The following AKAP9 variants were observed in gnomAD, a reference collection of about 807,000 sequenced individuals.
AKAP9 encodes A-kinase anchor protein 9.
AKAP9 carries 311 observed loss-of-function variants against 488.5 expected under a neutral mutation model. That is an observed-to-expected ratio of 0.64 (90% CI 0.58 to 0.70). The LOEUF (loss-of-function observed/expected upper bound fraction) is 0.70. Among genes scored for constraint, AKAP9 ranks in the 30% least tolerant of loss-of-function variants. The probability of loss-of-function intolerance (pLI) is 0.00; values close to 1 mark genes in which losing one functional copy is unlikely to be tolerated. For missense variants in AKAP9, 4,215 were observed against 4,374.5 expected (o/e 0.96, Z 1.03); for synonymous variants, 1,462 against 1,483.5 (o/e 0.99, Z 0.33).
chr7:91,977,109 A>T (rs1795797193), intron 2 of AKAP9, among the ~76,000 whole-genome samples: 1 of 151,996 alleles, frequency 6.6e-6, no homozygotes, highest in East Asian at 1.9e-4. Flanking sequence ...AAGTAAAAAA[A>T]ATTAGCCGGG....
In AKAP9 at chr7:92,038,682, TC is replaced by T; in HGVS notation, c.4606del (p.His1536MetfsTer11). The T allele has an allele frequency of 6.2e-7, 1 of 1,608,666 alleles. No individual in the cohort carries two copies. ...GKEILLSNSD[P>X]HDIPESKDCV... The stretch of plus-strand genomic sequence containing the variant: ...AGGAAATTTTATTATCAAATAGTGA[TC>T]CCCATGATATACCAGAATCAAAGGA... On this transcript the variant is annotated frameshift_variant, in exon 17 of 50. Coordinates refer to ENST00000356239, the MANE Select transcript of AKAP9 (RefSeq NM_005751.5). LOFTEE classifies it high-confidence loss of function.
At chr7:92,038,376 A>T in intron 16 of AKAP9, 43 bp from the exon 17 acceptor site, 1 of 1,483,688 alleles carries the variant, frequency 6.7e-7, no homozygotes. Flanking sequence ...TCCTGCTGAT[A>T]TTTCTAAATC....
chr7:92,057,694 G>A, intron 22 of AKAP9: 1 of 218,700 alleles, frequency 4.6e-6, no homozygotes, highest in East Asian at 6.7e-5. Flanking sequence ...CAAGACTGCT[G>A]CTATGGAGAT....
intron 1 of AKAP9, among the ~76,000 whole-genome samples, chr7:91,971,471 C>T (rs1255778146): frequency 6.6e-6 from 1 of 151,412 alleles, no homozygotes; most frequent in Non-Finnish European, 1.5e-5. Context: ...TAGGGTCATT[C>T]ACTGATTCAC....
intron 1 of AKAP9, chr7:91,970,658 C>A (rs532952949): frequency 6.6e-5 from 24 of 363,264 alleles, no homozygotes; most frequent in Admixed American, 2.3e-4. Flanking sequence ...CCCACATCCT[C>A]CTATATGGTT....
intron 16 of AKAP9, among the ~76,000 whole-genome samples, chr7:92,037,397 T>C (rs1252135828): frequency 2.6e-5 from 4 of 152,216 alleles, no homozygotes; most frequent in African/African-American, 9.6e-5. Context: ...AGTTCAGTTA[T>C]ATGACCTGGA....
At chr7:91,993,217 C>G (rs1415474186) in intron 5 of AKAP9, among the ~76,000 whole-genome samples, 162 bp downstream of exon 5, 2 of 146,644 alleles carry the variant, frequency 1.4e-5, no homozygotes, top group African/African-American at 5.1e-5. Context: ...CATACAGGGT[C>G]TTGCTCTGTT....
At chr7:91,997,276 A>G (rs1005916213) in intron 7 of AKAP9, among the ~76,000 whole-genome samples, 2 of 152,214 alleles carry the variant, frequency 1.3e-5, no homozygotes, top group Non-Finnish European at 2.9e-5. Flanking sequence ...GGCATGTACA[A>G]AGGACACCAC....
intron 1 of AKAP9, among the ~76,000 whole-genome samples, chr7:91,949,699 G>T (rs1194387922): frequency 6.6e-6 from 1 of 151,926 alleles, no homozygotes; most frequent in Non-Finnish European, 1.5e-5. Context: ...TTTTTGCATG[G>T]GTTTAACAGT....
intron 23 of AKAP9, among the ~76,000 whole-genome samples, 161 bp downstream of exon 23, chr7:92,061,583 A>AATATATATATATATATATAT (rs1563069126): frequency 5.9e-5 from 2 of 33,836 alleles, no homozygotes; most frequent in African/African-American, 2.8e-4. Context: ...AATTTTTAAA[A>AATATATATATATATATATAT]CTATATATAT....
At chr7:92,011,696 T>G (rs1405603704) in intron 8 of AKAP9, among the ~76,000 whole-genome samples, 1 of 152,134 alleles carries the variant, frequency 6.6e-6, no homozygotes, top group African/African-American at 2.4e-5. Context: ...CACATTGAGA[T>G]CCTTGTGAAA....
chr7:92,019,414 A>G (rs193285479), intron 12 of AKAP9, among the ~76,000 whole-genome samples: 288 of 151,980 alleles, frequency 1.9e-3, no homozygotes, highest in African/African-American at 6.5e-3. Flanking sequence ...TGCTGGGATT[A>G]CAGGCATGAG....
chr7:92,009,566 C>A (rs1452817010), intron 8 of AKAP9, among the ~76,000 whole-genome samples: 1 of 151,852 alleles, frequency 6.6e-6, no homozygotes, highest in Non-Finnish European at 1.5e-5. Context: ...TATATAATTG[C>A]TTAATAAAAT....
chr7:92,019,845 T>TAA (rs1019644712), intron 12 of AKAP9, among the ~76,000 whole-genome samples: 2 of 148,746 alleles, frequency 1.3e-5, no homozygotes, highest in Admixed American at 1.3e-4. Context: ...CCATCTCTAC[T>TAA]AAAAAAAAAT....
chr7:91,982,366 C>T (rs1796543304), intron 3 of AKAP9, among the ~76,000 whole-genome samples: 1 of 151,952 alleles, frequency 6.6e-6, no homozygotes, highest in African/African-American at 2.4e-5. Flanking sequence ...GACAGGCCCC[C>T]ATGTGTGATG....
At chr7:92,076,725 A>C in intron 28 of AKAP9, 130 bp from the exon 29 acceptor site, 1 of 532,340 alleles carries the variant, frequency 1.9e-6, no homozygotes, top group Non-Finnish European at 3.2e-6. Flanking sequence ...TAGAAAAACC[A>C]CATTCCTTTA....
rs764343853 is a variant in AKAP9 at position 92,058,422 on chromosome 7, T to G, written c.5602-2838T>G. 4 of 494,784 alleles carry G rather than the reference T, an allele frequency of 8.1e-6. No homozygotes were observed. In the Admixed American group the frequency reaches 9.7e-5, roughly 12 times the overall value. 30.6% of individuals were successfully genotyped at this position (494,784 alleles called of 1,614,324 possible). A position where few individuals can be genotyped will look rare whatever the true frequency, so the allele number is the denominator to read the frequency against. On this transcript the variant is annotated intron_variant, in intron 22 of 49. Coordinates refer to ENST00000356239, the MANE Select transcript of AKAP9 (RefSeq NM_005751.5). ...CCTACCCCTCCTTATTCAGTAAGTA[T>G]AAAAAATATTCATTTAGTTAAACAC... is the stretch of plus-strand genomic sequence containing the variant.
intron 21 of AKAP9, 33 bp from the exon 22 acceptor site, chr7:92,052,689 ATAAT>A: frequency 7.4e-7 from 1 of 1,352,856 alleles, no homozygotes; most frequent in Non-Finnish European, 1.0e-6. Context: ...TATGATTATT[ATAAT>A]TAATTTATGC....
intron 1 of AKAP9, among the ~76,000 whole-genome samples, chr7:91,971,132 C>T (rs1795022132): frequency 1.3e-5 from 2 of 152,098 alleles, no homozygotes; most frequent in Admixed American, 6.6e-5. Context: ...TTTGATATTT[C>T]GAGGTAATTT....
Sources: gnomAD v4.1 joint callset for allele counts (sites outside exome capture counted in the v4.1 genomes callset) on GRCh38, gnomAD v4.1.1 for gene constraint, MANE v1.5 for transcripts, NCBI Gene and HGNC (gene_info 2026-07-23, HGNC 2026-07-21) for gene names.